Variants in KCNH5 observed in about 807,000 individuals in gnomAD.
The protein encoded by KCNH5 is potassium voltage-gated channel subfamily H member 5.
KCNH5 carries 46 observed loss-of-function variants against 96.1 expected under a neutral mutation model. The ratio of observed to expected loss-of-function variants is 0.48; its 90% CI spans 0.38 to 0.61. KCNH5 has a LOEUF of 0.61. KCNH5 is among the 20% of genes least tolerant of loss of function. The pLI is 0.00. For synonymous variants in KCNH5, 439 were observed against 449.8 expected, an observed-to-expected ratio of 0.98 and a Z score of 0.30; for missense variants, 907 against 1,225.8, an observed-to-expected ratio of 0.74 and a Z score of 3.88.
chr14:62,919,199 G>T (rs1450108804), intron 7 of KCNH5, among the ~76,000 whole-genome samples: 2 of 152,026 alleles, frequency 1.3e-5, no homozygotes, highest in African/African-American at 4.8e-5. Context: ...ATGCCACTAG[G>T]TAATGAAGCT....
At position 63,041,931 on chromosome 14, in the gene KCNH5, T is replaced by C. The variant is rs146671444; in HGVS notation, c.73+3183A>G. Reference sequence around the variant, plus strand: ...TGCATCTGAGGAGTTTGGAACTTTATTAAGAAATCCTCAGGTATAAAATTG... The same window carrying C: ...TGCATCTGAGGAGTTTGGAACTTTACTAAGAAATCCTCAGGTATAAAATTG... On this transcript the variant is annotated intron_variant, in intron 1 of 10. Transcript: ENST00000322893. 2.4e-3 allele frequency among the ~76,000 whole-genome samples: 362 copies of C among 152,284 alleles called. 2 individuals carry two copies. Among genetic ancestry groups the C allele is most frequent in the Non-Finnish European group, 4.1e-3 (277 of 67,986 alleles).
intron 7 of KCNH5, among the ~76,000 whole-genome samples, chr14:62,933,441 T>C (rs1889617159): frequency 6.6e-6 from 1 of 150,960 alleles, no homozygotes; most frequent in African/African-American, 2.4e-5. Context: ...TGCATATATA[T>C]GCACATATAT....
Position 63,023,646 on chromosome 14 carries a change from T to G in KCNH5, c.74-6692A>C, listed in dbSNP as rs574685140. Among the ~76,000 whole-genome samples the G allele has an allele frequency of 1.2e-4, 19 of 152,146 alleles. No homozygotes were observed. In the East Asian group the frequency reaches 2.5e-3, roughly 20 times the overall value. On this transcript the variant is annotated intron_variant, in intron 1 of 10. Coordinates refer to ENST00000322893, the MANE Select transcript of KCNH5 (RefSeq NM_139318.5). Reference sequence around the variant, plus strand: ...ATATAAACATTCCACCCAAAGACAGTAAAATACATATTCTTCTCAAGTACA... The same window carrying G: ...ATATAAACATTCCACCCAAAGACAGGAAAATACATATTCTTCTCAAGTACA...
At chr14:63,044,381 A>G (rs1264701339) in intron 1 of KCNH5, among the ~76,000 whole-genome samples, 1 of 152,256 alleles carries the variant, frequency 6.6e-6, no homozygotes, top group Non-Finnish European at 1.5e-5. Context: ...TAACGCCAGT[A>G]GCAAGGTAGG....
chr14:62,827,976 T>A (rs1887262168), intron 8 of KCNH5, among the ~76,000 whole-genome samples: 4 of 152,168 alleles, frequency 2.6e-5, no homozygotes, highest in Admixed American at 2.6e-4. Flanking sequence ...TTTTTTTGAA[T>A]TGCTTCATTT....
At chr14:62,949,649 G>A (rs1425290350) in intron 7 of KCNH5, among the ~76,000 whole-genome samples, 1 of 152,134 alleles carries the variant, frequency 6.6e-6, no homozygotes, top group Non-Finnish European at 1.5e-5. Flanking sequence ...AACCTAGAGT[G>A]GCTATAATGA....
At chr14:62,984,752 C>T (rs577766382) in intron 5 of KCNH5, among the ~76,000 whole-genome samples, 1 of 150,898 alleles carries the variant, frequency 6.6e-6, no homozygotes, top group African/African-American at 2.4e-5. Flanking sequence ...ACACTAATCA[C>T]AGAGCAAAGA....
At chr14:62,766,205 G>A (rs551620864) in intron 10 of KCNH5, among the ~76,000 whole-genome samples, 1 of 152,118 alleles carries the variant, frequency 6.6e-6, no homozygotes, top group South Asian at 2.1e-4. Context: ...GGAAAAACGG[G>A]ACATCTTGTG....
At chr14:63,035,053 T>C (rs975782442) in intron 1 of KCNH5, among the ~76,000 whole-genome samples, 6 of 152,200 alleles carry the variant, frequency 3.9e-5, no homozygotes, top group Non-Finnish European at 7.4e-5. Context: ...CTAAATTATA[T>C]TGCAATGAAA....
intron 7 of KCNH5, among the ~76,000 whole-genome samples, chr14:62,940,358 A>G (rs562241255): frequency 3.7e-4 from 57 of 152,120 alleles, no homozygotes; most frequent in Non-Finnish European, 6.6e-4. Context: ...CTCTAAATCT[A>G]TACTGTCCTC....
chr14:63,037,825 G>C lies in KCNH5; in HGVS notation c.73+7289C>G, dbSNP rs370174658. On this transcript the variant is annotated intron_variant, in intron 1 of 10. Transcript: ENST00000322893. ...CAAAACTCACTCAGAAGGTACTTAA[G>C]CAGGTAAGGATTGATTCCCAGGGAT... Among the ~76,000 whole-genome samples, 65 of 152,310 alleles carry C rather than the reference G, an allele frequency of 4.3e-4. 4 individuals carry two copies. In the South Asian group the frequency reaches 5.6e-3, roughly 13 times the overall value.
Position 62,853,508 on chromosome 14 carries a change from A to ATATAG in KCNH5, c.1370-3657_1370-3656insCTATA, listed in dbSNP as rs1887866602. On this transcript the variant is annotated intron_variant, in intron 7 of 10. Coordinates refer to ENST00000322893, the MANE Select transcript of KCNH5 (RefSeq NM_139318.5). ...TATATATATATAATCTTGGCCACAT[A>ATATAG]TAATCATAGCACTGCCTCTTCCACT... Among the ~76,000 whole-genome samples, 3 of 70,228 alleles carry ATATAG rather than the reference A, an allele frequency of 4.3e-5. No individual in the cohort carries two copies. In the South Asian group the frequency reaches 2.2e-3, roughly 50 times the overall value. The allele number at this position is 70,228 out of a possible 152,430, so 46.1% of individuals were successfully genotyped here.
At position 62,779,832 on chromosome 14, in the gene KCNH5, G is replaced by A. The variant is rs1886171407; in HGVS notation, c.1915C>T (p.His639Tyr). 1 of 1,613,840 alleles carries A rather than the reference G, an allele frequency of 6.2e-7. No individual in the cohort carries two copies. The highest frequency in any genetic ancestry group is 8.5e-7 in the Non-Finnish European group (1 of 1,179,870). ...AGCAAGGCTTCCCGCTTGATGATGTGTAGGTCACAGTACGTCAGTGCCCGG... is the reference window on the plus strand; with the variant it reads ...AGCAAGGCTTCCCGCTTGATGATGTATAGGTCACAGTACGTCAGTGCCCGG... ...NVRALTYCDL[H>Y]IIKREALLKV... Residue 639 changes from histidine (H) to tyrosine (Y), a missense_variant, in exon 10 of 11, where the codon CAC becomes TAC. His to Tyr is a moderately conservative substitution (Grantham distance 83). Around this residue, in one of 6 missense-constraint regions of KCNH5, gnomAD observed 57 missense variants for 76.0 expected, o/e 0.75. Coordinates refer to ENST00000322893, the MANE Select transcript of KCNH5 (RefSeq NM_139318.5).
chr14:62,818,567 A>G (rs1320327452), intron 8 of KCNH5, among the ~76,000 whole-genome samples: 2 of 152,308 alleles, frequency 1.3e-5, no homozygotes, highest in East Asian at 3.9e-4. Flanking sequence ...GTATCCCAGT[A>G]GAAATGTCAA....
intron 10 of KCNH5, among the ~76,000 whole-genome samples, chr14:62,713,229 T>C (rs756960685): frequency 6.6e-6 from 1 of 152,230 alleles, no homozygotes; most frequent in Non-Finnish European, 1.5e-5. Flanking sequence ...GGGCACTTTA[T>C]AGTTCCTTCA....
chr14:62,920,279 G>A (rs1465680498), intron 7 of KCNH5, among the ~76,000 whole-genome samples: 2 of 152,040 alleles, frequency 1.3e-5, no homozygotes, highest in Non-Finnish European at 2.9e-5. Flanking sequence ...GTCAGTAGCA[G>A]CAACAGATTA....
chr14:63,017,782 A>G (rs1891353617), intron 1 of KCNH5, among the ~76,000 whole-genome samples: 1 of 151,702 alleles, frequency 6.6e-6, no homozygotes, highest in Admixed American at 6.6e-5. Flanking sequence ...TAAAGCAATA[A>G]TATGCTTCAA....
rs754029622 is a variant in KCNH5, at chr14:62,720,450, C to T, written c.2020-11995G>A. On this transcript the variant is annotated intron_variant, in intron 10 of 10. Transcript: ENST00000322893. The stretch of plus-strand genomic sequence containing the variant: ...CAAAAAAATTAGCCAGGCATGGTGG[C>T]GGACACCTGTAAGTCCCAGCTACTC... Among the ~76,000 whole-genome samples, 6 of 152,050 alleles carry T rather than the reference C, an allele frequency of 3.9e-5. No individual in the cohort carries two copies. The South Asian group carries it at 8.3e-4, about 21-fold the overall frequency.
In KCNH5 at chr14:62,840,571, T is replaced by C. The variant is rs796286793; in HGVS notation, c.1569+9082A>G. ...TTTTCTTTTTTCTTTTTTTTCTTTT[T>C]TTTTTTTTTTTTTTTTTTGAGACGG... On this transcript the variant is annotated intron_variant, in intron 8 of 10. Transcript: ENST00000322893. Among the ~76,000 whole-genome samples, 27 of 130,824 alleles carry C rather than the reference T, an allele frequency of 2.1e-4. 1 individual carries two copies. Among genetic ancestry groups the C allele is most frequent in the Middle Eastern group, 3.8e-3 (1 of 264 alleles). 85.8% of individuals were successfully genotyped at this position (130,824 alleles called of 152,430 possible).
Sources: gnomAD v4.1 joint callset for allele counts (sites outside exome capture counted in the v4.1 genomes callset) on GRCh38, gnomAD v4.1.1 for gene constraint, gnomAD v4.1.1 regional missense constraint, MANE v1.5 for transcripts, NCBI Gene and HGNC (gene_info 2026-07-23, HGNC 2026-07-21) for gene names.